Variants in FARP1 observed in about 807,000 individuals in gnomAD.
FARP1 encodes the protein FERM, ARHGEF and pleckstrin domain-containing protein 1.
FARP1 carries 52 observed loss-of-function variants against 128.8 expected under a neutral mutation model. The observed-to-expected ratio is 0.40, with a 90% confidence interval of 0.32 to 0.51. The LOEUF is 0.51. Ranked by LOEUF, FARP1 falls within the 20% of genes least tolerant of loss-of-function variation. The probability of loss-of-function intolerance (pLI) is 0.45; values close to 1 mark genes in which losing one functional copy is unlikely to be tolerated. For missense variants in FARP1, 1,333 were observed against 1,367.9 expected, an observed-to-expected ratio of 0.97 and a Z score of 0.40; for synonymous variants, 580 against 551.8, an observed-to-expected ratio of 1.05 and a Z score of -0.72.
At chr13:98,400,273 C>G (rs1344697603) in intron 13 of FARP1, 1 of 152,218 alleles carries the variant, frequency 6.6e-6, no homozygotes, top group Non-Finnish European at 1.5e-5. Flanking sequence ...ATCAGAAACT[C>G]AACTTTGGTT....
chr13:98,215,550 G>A (rs1594281189), intron 2 of FARP1, among the ~76,000 whole-genome samples: 2 of 152,306 alleles, frequency 1.3e-5, no homozygotes. Context: ...AAAAAGAGGT[G>A]ACACAAAGTG....
intron 2 of FARP1, among the ~76,000 whole-genome samples, chr13:98,323,892 C>T (rs1237088712): frequency 6.6e-6 from 1 of 152,072 alleles, no homozygotes; most frequent in Non-Finnish European, 1.5e-5. Flanking sequence ...TTTTTTAAAG[C>T]CTATATGAGG....
At chr13:98,293,530 T>C (rs1197147042) in intron 2 of FARP1, among the ~76,000 whole-genome samples, 1 of 152,190 alleles carries the variant, frequency 6.6e-6, no homozygotes, top group Non-Finnish European at 1.5e-5. Context: ...TGGAGAAACC[T>C]CTGGGTGTCC....
rs756156498 is a variant in FARP1, at chr13:98,454,052, A to G, written c.*5735A>G. ...TGGGGATTTGGGATATTCAGCCTGT[A>G]TATGTGCACTATATAAGTATATTTA... On this transcript the variant is annotated 3_prime_UTR_variant, in exon 27 of 27. Coordinates refer to ENST00000319562, the MANE Select transcript of FARP1 (RefSeq NM_005766.4). 2.0e-5 allele frequency: 3 copies of G among 152,176 alleles called. No homozygotes were observed. Among genetic ancestry groups the G allele is most frequent in the Non-Finnish European group, 4.4e-5 (3 of 68,032 alleles). The allele number at this position is 152,176 out of a possible 1,614,324, so 9.4% of individuals were successfully genotyped here. A position where few individuals can be genotyped will look rare whatever the true frequency, so the allele number is the denominator to read the frequency against.
chr13:98,296,514 A>ACC (rs11434354), intron 2 of FARP1, among the ~76,000 whole-genome samples: 32 of 150,294 alleles, frequency 2.1e-4, no homozygotes, highest in South Asian at 1.1e-3. Flanking sequence ...GAAGACAGGG[A>ACC]CCCCCCGCTC....
Position 98,449,398 on chromosome 13 carries a change from A to G in FARP1, c.*1081A>G, listed in dbSNP as rs1040777050. ...GGACTGCACAGGGAACACGGTTTCC[A>G]GTGGCTTTGGCCCCTACTCGGGAAA... On this transcript the variant is annotated 3_prime_UTR_variant, in exon 27 of 27. Coordinates refer to ENST00000319562, the MANE Select transcript of FARP1 (RefSeq NM_005766.4). The G allele has an allele frequency of 6.6e-6, 1 of 152,110 alleles. No homozygotes were observed. The highest frequency in any genetic ancestry group is 2.4e-5 in the African/African-American group (1 of 41,414). 9.4% of individuals were successfully genotyped at this position (152,110 alleles called of 1,614,324 possible).
At chr13:98,289,604 G>A (rs1885354784) in intron 2 of FARP1, among the ~76,000 whole-genome samples, 1 of 152,168 alleles carries the variant, frequency 6.6e-6, no homozygotes, top group African/African-American at 2.4e-5. Flanking sequence ...CATGAAGGAG[G>A]ATGAGGTCCC....
intron 2 of FARP1, among the ~76,000 whole-genome samples, chr13:98,297,155 C>T (rs1406954042): frequency 1.3e-5 from 2 of 152,166 alleles, no homozygotes; most frequent in African/African-American, 4.8e-5. Context: ...CGGATTGTTC[C>T]CATAGGAAGA....
chr13:98,250,561 A>T (rs988090772), intron 2 of FARP1, among the ~76,000 whole-genome samples: 13 of 152,060 alleles, frequency 8.5e-5, no homozygotes, highest in Non-Finnish European at 1.6e-4. Flanking sequence ...TCTCTGCTAA[A>T]AATACAAAAA....
chr13:98,148,891 CTT>C (rs112202329), intron 1 of FARP1, among the ~76,000 whole-genome samples: 3 of 145,988 alleles, frequency 2.1e-5, no homozygotes, highest in Admixed American at 6.9e-5. Flanking sequence ...CTCTCTTTTA[CTT>C]TTTTTTTTTT....
chr13:98,328,507 A>G (rs1248737429), intron 2 of FARP1: 2 of 152,242 alleles, frequency 1.3e-5, no homozygotes, highest in Non-Finnish European at 2.9e-5. Context: ...TGGCGAAAGT[A>G]TTATTAATTT....
At chr13:98,174,811 G>A (rs1350639138) in intron 1 of FARP1, among the ~76,000 whole-genome samples, 1 of 152,166 alleles carries the variant, frequency 6.6e-6, no homozygotes, top group Non-Finnish European at 1.5e-5. Context: ...AACCCTGTGA[G>A]ATACTACTAT....
intron 15 of FARP1, 45 bp downstream of exon 15, chr13:98,410,868 C>G: frequency 1.0e-6 from 1 of 983,010 alleles, no homozygotes; most frequent in Non-Finnish European, 1.6e-6. Context: ...CATGATTTAT[C>G]TCAGCTAATA....
chr13:98,414,710 A>G (rs1224511073), intron 16 of FARP1, among the ~76,000 whole-genome samples: 2 of 152,246 alleles, frequency 1.3e-5, no homozygotes, highest in African/African-American at 4.8e-5. Context: ...AAAATGCCTC[A>G]TTAAAAAGAG....
chr13:98,344,344 G>T (rs1244512591), intron 3 of FARP1, among the ~76,000 whole-genome samples: 1 of 152,138 alleles, frequency 6.6e-6, no homozygotes, highest in Non-Finnish European at 1.5e-5. Flanking sequence ...GGGGCAGTAG[G>T]AGAGGATGTG....
intron 11 of FARP1, among the ~76,000 whole-genome samples, chr13:98,392,219 A>G (rs547036367): frequency 4.3e-4 from 65 of 150,654 alleles, no homozygotes; most frequent in African/African-American, 1.5e-3. Flanking sequence ...GCACAATGGC[A>G]CATGCCTGTA....
intron 2 of FARP1, among the ~76,000 whole-genome samples, chr13:98,242,358 C>T (rs149949996): frequency 6.6e-6 from 1 of 152,066 alleles, no homozygotes; most frequent in South Asian, 2.1e-4. Flanking sequence ...CAGAGGGGAT[C>T]ATTTTTCATC....
At chr13:98,305,835 T>C (rs1452575032) in intron 2 of FARP1, among the ~76,000 whole-genome samples, 4 of 150,860 alleles carry the variant, frequency 2.7e-5, no homozygotes, top group Non-Finnish European at 5.9e-5. Flanking sequence ...TCAACTCAAA[T>C]TTTACTTCTT....
At chr13:98,291,267 C>A (rs532856451) in intron 2 of FARP1, among the ~76,000 whole-genome samples, 12 of 152,092 alleles carry the variant, frequency 7.9e-5, no homozygotes, top group Non-Finnish European at 1.8e-4. Context: ...AGAGAGAATA[C>A]ATTTACGATT....
Sources: gnomAD v4.1 joint callset for allele counts (sites outside exome capture counted in the v4.1 genomes callset) on GRCh38, gnomAD v4.1.1 for gene constraint, MANE v1.5 for transcripts, NCBI Gene and HGNC (gene_info 2026-07-23, HGNC 2026-07-21) for gene names.